GALNT12: variants seen among roughly 807,000 people sequenced by gnomAD.
GALNT12 encodes the protein polypeptide N-acetylgalactosaminyltransferase 12.
Under a neutral mutation model 55.5 loss-of-function variants are expected in GALNT12, and 45 were observed. The ratio of observed to expected loss-of-function variants is 0.81; its 90% CI spans 0.64 to 1.04. The LOEUF (loss-of-function observed/expected upper bound fraction) is 1.04. GALNT12 is among the 50% of genes least tolerant of loss of function. The pLI is 0.00. For synonymous variants in GALNT12, 304 were observed against 312.2 expected, an observed-to-expected ratio of 0.97 and a Z score of 0.28; for missense variants, 709 against 754.8, an observed-to-expected ratio of 0.94 and a Z score of 0.71.
At chr9:98,829,223 C>G (rs950548986) in intron 3 of GALNT12, among the ~76,000 whole-genome samples, 1 of 151,768 alleles carries the variant, frequency 6.6e-6, no homozygotes, top group African/African-American at 2.4e-5. Flanking sequence ...GAGTCTCGCT[C>G]TGTTGCCCAG....
chr9:98,846,710 T>A (rs1339421847), intron 9 of GALNT12, among the ~76,000 whole-genome samples: 7 of 132,144 alleles, frequency 5.3e-5, no homozygotes, highest in African/African-American at 2.0e-4. Flanking sequence ...AAAAAAAAAA[T>A]AGCCAGGTGT....
At chr9:98,819,562 C>G (rs908816984) in intron 1 of GALNT12, among the ~76,000 whole-genome samples, 1 of 152,186 alleles carries the variant, frequency 6.6e-6, no homozygotes, top group African/African-American at 2.4e-5. Flanking sequence ...CTGTTCACAG[C>G]TGAAGGGAAA....
chr9:98,814,352 G>C (rs1564246790), intron 1 of GALNT12, among the ~76,000 whole-genome samples: 2 of 152,148 alleles, frequency 1.3e-5, no homozygotes, highest in Non-Finnish European at 2.9e-5. Context: ...CTTTTCTACA[G>C]AGGATATGAT....
At chr9:98,832,058 C>T in intron 4 of GALNT12, 101 bp downstream of exon 4, 1 of 979,324 alleles carries the variant, frequency 1.0e-6, no homozygotes, top group Non-Finnish European at 1.6e-6. Flanking sequence ...TAGCTGTCAG[C>T]TTAACTACCT....
At position 98,835,204 on chromosome 9, in the gene GALNT12, G is replaced by A. The variant is rs200412026; in HGVS notation, c.918-45G>A. Reference sequence around the variant, plus strand: ...GGAAGGTAGTTGGATAACTGTGATGGTTTTCTGCTGTCTACAGTGAAATAA... The same window carrying A: ...GGAAGGTAGTTGGATAACTGTGATGATTTTCTGCTGTCTACAGTGAAATAA... On this transcript the variant is annotated intron_variant, in intron 4 of 9. Transcript: ENST00000375011. 4.0e-5 allele frequency: 53 copies of A among 1,319,292 alleles called. No homozygotes were observed. The African/African-American group carries it at 6.3e-4, about 16-fold the overall frequency. The allele number at this position is 1,319,292 out of a possible 1,614,324, so 81.7% of individuals were successfully genotyped here. A position where few individuals can be genotyped will look rare whatever the true frequency, so the allele number is the denominator to read the frequency against.
chr9:98,828,230 G>A (rs1251956633), intron 3 of GALNT12, among the ~76,000 whole-genome samples: 1 of 152,182 alleles, frequency 6.6e-6, no homozygotes, highest in Non-Finnish European at 1.5e-5. Context: ...CTTCCTGGGT[G>A]TGACCCAGCT....
intron 7 of GALNT12, among the ~76,000 whole-genome samples, chr9:98,840,387 G>A (rs1339235894): frequency 1.3e-5 from 2 of 152,108 alleles, no homozygotes; most frequent in Non-Finnish European, 2.9e-5. Flanking sequence ...AGGAAACTGA[G>A]GCTTATCTGG....
intron 1 of GALNT12, among the ~76,000 whole-genome samples, chr9:98,812,303 A>T (rs1214933984): frequency 1.3e-5 from 2 of 152,140 alleles, no homozygotes; most frequent in Admixed American, 1.3e-4. Flanking sequence ...ATTAAAAAAA[A>T]ATCCAGGCCA....
intron 7 of GALNT12, among the ~76,000 whole-genome samples, chr9:98,843,645 GAT>G (rs1202830613): frequency 2.0e-4 from 31 of 152,296 alleles, no homozygotes; most frequent in African/African-American, 7.2e-4. Context: ...GGCCTCAAGT[GAT>G]CCACCTGCCT....
At chr9:98,846,969 G>T (rs1836435202) in intron 9 of GALNT12, among the ~76,000 whole-genome samples, 1 of 151,904 alleles carries the variant, frequency 6.6e-6, no homozygotes, top group Non-Finnish European at 1.5e-5. Flanking sequence ...ATTAGTTGTT[G>T]CTTGTGGTAT....
At chr9:98,832,425 A>G (rs1836022262) in intron 4 of GALNT12, among the ~76,000 whole-genome samples, 1 of 152,164 alleles carries the variant, frequency 6.6e-6, no homozygotes, top group African/African-American at 2.4e-5. Flanking sequence ...AGGCTGAGAT[A>G]GGAGGATCGC....
intron 4 of GALNT12, among the ~76,000 whole-genome samples, chr9:98,832,879 T>C (rs1449056953): frequency 9.2e-5 from 14 of 152,204 alleles, no homozygotes; most frequent in Admixed American, 9.2e-4. Context: ...GGTGGACACT[T>C]GGGTTGTCCT....
At chr9:98,846,346 T>G (rs545000049) in intron 9 of GALNT12, among the ~76,000 whole-genome samples, 2 of 152,266 alleles carry the variant, frequency 1.3e-5, no homozygotes, top group East Asian at 1.9e-4. Context: ...AGCACTGCCT[T>G]CCTTCCTCAT....
chr9:98,819,321 T>A (rs529061404), intron 1 of GALNT12, among the ~76,000 whole-genome samples: 1 of 152,334 alleles, frequency 6.6e-6, no homozygotes, highest in East Asian at 1.9e-4. Flanking sequence ...GGGTCAGTGC[T>A]AAGTTAACTA....
Position 98,808,033 on chromosome 9 carries a change from C to T in GALNT12, c.335C>T (p.Ser112Leu). The part of the protein sequence containing the change: ...QINIYLSDRI[S>L]LHRRLPERWN... The stretch of plus-strand genomic sequence containing the variant: ...AACATCTACCTCAGCGACCGCATCT[C>T]ACTGCACCGCCGCCTGCCCGAGCGC... Residue 112 changes from serine (S) to leucine (L), a missense_variant, in exon 1 of 10, where the codon TCA becomes TTA. Physicochemically the swap from Ser to Leu is moderately radical, Grantham distance 145 (BLOSUM62 -2). Around this residue, in one of 5 missense-constraint regions of GALNT12, gnomAD observed 315 missense variants for 288.6 expected, o/e 1.09. Coordinates refer to ENST00000375011, the MANE Select transcript of GALNT12 (RefSeq NM_024642.5). 2 of 1,578,544 alleles carry T rather than the reference C, an allele frequency of 1.3e-6. No homozygotes were observed. Among genetic ancestry groups the T allele is most frequent in the Non-Finnish European group, 1.7e-6 (2 of 1,165,506 alleles).
chr9:98,817,867 G>A (rs1290747238), intron 1 of GALNT12, among the ~76,000 whole-genome samples: 6 of 152,138 alleles, frequency 3.9e-5, no homozygotes, highest in Non-Finnish European at 7.4e-5. Flanking sequence ...AATAGACTTG[G>A]TGTTTGGATG....
At chr9:98,829,581 A>C (rs144722208) in intron 3 of GALNT12, among the ~76,000 whole-genome samples, 1,579 of 150,740 alleles carry the variant, frequency 0.01, 14 homozygotes, top group Non-Finnish European at 0.015. Context: ...CATTCTTTCT[A>C]TTTTTTTGTA....
rs749808837 is a variant in GALNT12 at position 98,835,253 on chromosome 9, C to A, written c.922C>A (p.Pro308Thr). The change falls in exon 5 of 10, where the codon CCA (proline) becomes ACA (threonine). Residue 308 changes from proline (P) to threonine (T), a missense_variant. This residue lies in a region of GALNT12 where 315 missense variants were observed against 288.6 expected (regional missense o/e 1.09). Transcript: ENST00000375011. ...MQSPVDVIRS[P>T]TMAGGLFAVS... ...AAGGATATCATACTTTTTTAGGTCT[C>A]CAACAATGGCTGGTGGGCTGTTTGC... 6.2e-7 allele frequency: 1 copy of A among 1,610,752 alleles called. No homozygotes were observed. Among genetic ancestry groups the A allele is most frequent in the East Asian group, 2.2e-5 (1 of 44,856 alleles).
In GALNT12 at chr9:98,843,032, A is replaced by G. The variant is rs374433394; in HGVS notation, c.1345-1064A>G. Among the ~76,000 whole-genome samples, 338 of 152,350 alleles carry G rather than the reference A, an allele frequency of 2.2e-3. 2 individuals carry two copies. The highest frequency in any genetic ancestry group is 3.5e-3 in the Non-Finnish European group (237 of 68,036). ...ACAGTGGCCAGTGGCCGCCACATGA[A>G]ATAGCACAGCTCTAAATTTTTCTCA... On this transcript the variant is annotated intron_variant, in intron 7 of 9. Coordinates refer to ENST00000375011, the MANE Select transcript of GALNT12 (RefSeq NM_024642.5).
Sources: allele counts gnomAD v4.1 joint callset (sites outside exome capture counted in the v4.1 genomes callset), GRCh38; gene constraint gnomAD v4.1.1; regional missense constraint gnomAD v4.1.1; transcripts MANE v1.5; gene names NCBI Gene and HGNC (gene_info 2026-07-23, HGNC 2026-07-21).